Variants in ABL1 observed in about 807,000 individuals in gnomAD.
ABL1 encodes the protein tyrosine-protein kinase ABL1.
In ABL1, 11 loss-of-function variants were observed where a neutral mutation model predicts 94.7. The ratio of observed to expected loss-of-function variants is 0.12; its 90% CI spans 0.07 to 0.19. The LOEUF is 0.19. Ranked by LOEUF, ABL1 falls within the 10% of genes least tolerant of loss-of-function variation. The probability of loss-of-function intolerance (pLI) is 1.00; values close to 1 mark genes in which losing one functional copy is unlikely to be tolerated. For missense variants in ABL1, 1,082 were observed against 1,489.4 expected, an observed-to-expected ratio of 0.73 and a Z score of 4.50; for synonymous variants, 656 against 622.4, an observed-to-expected ratio of 1.05 and a Z score of -0.80.
rs1831259534 is a variant in ABL1 at position 130,872,075 on chromosome 9, C to T, written c.823-54C>T. ...TTGCATTAACTAGTCAAGTACTTACCCACTGAAAAGCACTTCCTGAAATAA... is the reference window on the plus strand; with the variant it reads ...TTGCATTAACTAGTCAAGTACTTACTCACTGAAAAGCACTTCCTGAAATAA... On this transcript the variant is annotated intron_variant, in intron 4 of 10. Transcript: ENST00000318560. This position sits in a 1 kb window ranked among gnomAD's most constrained non-coding sequence, Gnocchi z 5.0. The T allele has an allele frequency of 6.5e-7, 1 of 1,535,988 alleles. No homozygotes were observed. The highest frequency in any genetic ancestry group is 9.0e-7 in the Non-Finnish European group (1 of 1,112,334).
chr9:130,879,806 A>G (rs981676849), intron 8 of ABL1, among the ~76,000 whole-genome samples: 2 of 152,226 alleles, frequency 1.3e-5, no homozygotes, highest in Middle Eastern at 3.2e-3. Flanking sequence ...GACTGGGAAA[A>G]ATATATTTGT....
chr9:130,871,404 C>T (rs11244168), intron 4 of ABL1, among the ~76,000 whole-genome samples: 2,488 of 152,304 alleles, frequency 0.016, 84 homozygotes, highest in African/African-American at 0.057. Flanking sequence ...CGGGCCCATG[C>T]TCCTATCTTT....
intron 1 of ABL1, among the ~76,000 whole-genome samples, chr9:130,739,439 A>C (rs904334505): frequency 6.9e-6 from 1 of 145,408 alleles, no homozygotes; most frequent in African/African-American, 2.4e-5. Context: ...CAGGAAATAT[A>C]AATGTAAAAA....
At chr9:130,745,477 A>T (rs1352886369) in intron 1 of ABL1, among the ~76,000 whole-genome samples, 1 of 147,744 alleles carries the variant, frequency 6.8e-6, no homozygotes. Flanking sequence ...TGTAGAAGGA[A>T]AAAAAAAAAT....
intron 4 of ABL1, among the ~76,000 whole-genome samples, chr9:130,870,669 A>G (rs773763874): frequency 5.9e-4 from 90 of 152,170 alleles, no homozygotes; most frequent in Admixed American, 1.4e-3. Flanking sequence ...TAAACGGCCA[A>G]TGGGGTGGTG....
At chr9:130,787,734 G>T (rs1276795861) in intron 1 of ABL1, among the ~76,000 whole-genome samples, 3 of 152,190 alleles carry the variant, frequency 2.0e-5, no homozygotes, top group Admixed American at 2.0e-4. Flanking sequence ...AGGAATTCTA[G>T]TGTTACACCA....
intron 1 of ABL1, among the ~76,000 whole-genome samples, chr9:130,837,835 A>G (rs1009163996): frequency 4.6e-5 from 7 of 152,350 alleles, no homozygotes; most frequent in African/African-American, 9.6e-5. Flanking sequence ...AAATCAGTCA[A>G]TCAGTGTCGA....
At chr9:130,749,584 T>C (rs1831929859) in intron 1 of ABL1, among the ~76,000 whole-genome samples, 2 of 152,210 alleles carry the variant, frequency 1.3e-5, no homozygotes, top group South Asian at 4.1e-4. Context: ...CTAGCTCATA[T>C]CCTGACACTT....
chr9:130,851,963 G>A (rs1339143984), intron 1 of ABL1, among the ~76,000 whole-genome samples: 1 of 151,880 alleles, frequency 6.6e-6, no homozygotes. Context: ...GTTTTTAGTA[G>A]AGATGGGGTT....
At chr9:130,734,423 G>A (rs2132700321) in intron 1 of ABL1, among the ~76,000 whole-genome samples, 1 of 151,312 alleles carries the variant, frequency 6.6e-6, no homozygotes, top group East Asian at 2.0e-4. Context: ...CACCGTGTTA[G>A]CCAGGATGGT....
chr9:130,767,396 A>G (rs1832196940), intron 1 of ABL1, among the ~76,000 whole-genome samples: 1 of 152,080 alleles, frequency 6.6e-6, no homozygotes, highest in Admixed American at 6.5e-5. Context: ...CTGCAGTGAC[A>G]ATCTCTGCTC....
chr9:130,787,855 G>A (rs10901283), intron 1 of ABL1, among the ~76,000 whole-genome samples: 38,693 of 152,076 alleles, frequency 0.25, 6,713 homozygotes, highest in African/African-American at 0.5. Flanking sequence ...CACAGGGTTT[G>A]CGTGTCCCAT....
At chr9:130,804,506 C>G (rs1830100274) in intron 1 of ABL1, among the ~76,000 whole-genome samples, 1 of 152,214 alleles carries the variant, frequency 6.6e-6, no homozygotes, top group African/African-American at 2.4e-5. Flanking sequence ...ATCGCTTGAA[C>G]CCGGGAGGTG....
Position 130,733,575 on chromosome 9 carries a change from C to CTT in ABL1, c.136+19141_136+19142dup, listed in dbSNP as rs35185474. Among the ~76,000 whole-genome samples, 693 of 103,136 alleles carry CTT rather than the reference C, an allele frequency of 6.7e-3. 44 individuals are homozygous for CTT. The highest frequency in any genetic ancestry group is 0.022 in the African/African-American group (504 of 23,070). 67.7% of individuals were successfully genotyped at this position (103,136 alleles called of 152,430 possible). A position where few individuals can be genotyped will look rare whatever the true frequency, so the allele number is the denominator to read the frequency against. ...CACCACTGCGCCTGGCTGTAAAGCA[C>CTT]TTTTTTTTTTTTTTTTTTTTTTGAG... On this transcript the variant is annotated intron_variant, in intron 1 of 10. Transcript: ENST00000372348.
At chr9:130,771,890 G>A (rs2791746) in intron 1 of ABL1, among the ~76,000 whole-genome samples, 66,222 of 151,240 alleles carry the variant, frequency 0.44, 14,931 homozygotes, top group Middle Eastern at 0.52. Context: ...AGTAGCTGGG[G>A]CTACAGGCAC....
At chr9:130,867,366 A>G (rs1246000365) in intron 4 of ABL1, among the ~76,000 whole-genome samples, 3 of 152,302 alleles carry the variant, frequency 2.0e-5, no homozygotes, top group Admixed American at 6.5e-5. Flanking sequence ...TTTAACATGT[A>G]CCAGTGTTCA....
intron 1 of ABL1, among the ~76,000 whole-genome samples, chr9:130,793,748 G>A (rs529658826): frequency 2.0e-5 from 3 of 152,244 alleles, no homozygotes; most frequent in Non-Finnish European, 4.4e-5. Context: ...GAACCAGGCC[G>A]TATAGCAGGT....
At chr9:130,839,673 C>T (rs753102360) in intron 1 of ABL1, among the ~76,000 whole-genome samples, 1 of 152,158 alleles carries the variant, frequency 6.6e-6, no homozygotes, top group Non-Finnish European at 1.5e-5. Context: ...CGTGTTTTTA[C>T]CTCTAAGACA....
intron 1 of ABL1, among the ~76,000 whole-genome samples, chr9:130,820,783 A>G (rs1830349815): frequency 6.6e-6 from 1 of 152,200 alleles, no homozygotes; most frequent in South Asian, 2.1e-4. Context: ...AGGTGTTAAA[A>G]TCATATAACA....
Sources: gnomAD v4.1 joint callset for allele counts (sites outside exome capture counted in the v4.1 genomes callset) on GRCh38, gnomAD v4.1.1 for gene constraint, Gnocchi (gnomAD v3.1) non-coding constraint, MANE v1.5 for transcripts, NCBI Gene and HGNC (gene_info 2026-07-23, HGNC 2026-07-21) for gene names.